ST8SIA5: variants seen among roughly 807,000 people sequenced by gnomAD.
The protein encoded by ST8SIA5 is ST8 alpha-N-acetyl-neuraminide alpha-2,8-sialyltransferase 5.
Under a neutral mutation model 40.2 loss-of-function variants are expected in ST8SIA5, and 24 were observed. The observed-to-expected ratio is 0.60, with a 90% CI of 0.43 to 0.84. The LOEUF (loss-of-function observed/expected upper bound fraction) is 0.84. ST8SIA5 is among the 40% of genes least tolerant of loss of function. ST8SIA5 has a pLI of 0.00. For missense variants in ST8SIA5, 465 were observed against 498.5 expected (o/e 0.93, Z 0.64); for synonymous variants, 198 against 201.8 (o/e 0.98, Z 0.16).
chr18:46,683,905 C>G (rs552234150), intron 5 of ST8SIA5, among the ~76,000 whole-genome samples: 194 of 152,260 alleles, frequency 1.3e-3, no homozygotes, highest in Middle Eastern at 3.4e-3. Context: ...GGTCAAGGGA[C>G]TTGCTGCTAT....
At chr18:46,740,462 C>G (rs1281079335) in intron 1 of ST8SIA5, among the ~76,000 whole-genome samples, 1 of 151,784 alleles carries the variant, frequency 6.6e-6, no homozygotes, top group Admixed American at 6.6e-5. Context: ...GATTGTCAGA[C>G]TAGGTATTAA....
intron 1 of ST8SIA5, among the ~76,000 whole-genome samples, chr18:46,751,030 T>C (rs945719464): frequency 1.3e-5 from 2 of 152,202 alleles, no homozygotes; most frequent in Non-Finnish European, 2.9e-5. Context: ...CAGTTGAATG[T>C]CATTAAGTTC....
Position 46,686,006 on chromosome 18 carries a change from C to A in ST8SIA5, c.569+168G>T, listed in dbSNP as rs2039442307. 8.6e-5 allele frequency: 56 copies of A among 652,648 alleles called. No individual in the cohort carries two copies. The South Asian group carries it at 1.0e-3, about 12-fold the overall frequency. 40.4% of individuals were successfully genotyped at this position (652,648 alleles called of 1,614,324 possible). Reference sequence around the variant, plus strand: ...GAGGACCTAGGAGTTCAACGACTTCCCCAAAGGGATGGGGCTGGAGAGAAG... The same window carrying A: ...GAGGACCTAGGAGTTCAACGACTTCACCAAAGGGATGGGGCTGGAGAGAAG... On this transcript the variant is annotated intron_variant, in intron 5 of 6. Coordinates refer to ENST00000315087, the MANE Select transcript of ST8SIA5 (RefSeq NM_013305.6).
intron 1 of ST8SIA5, among the ~76,000 whole-genome samples, chr18:46,742,662 C>T (rs2040098787): frequency 6.6e-6 from 1 of 152,234 alleles, no homozygotes; most frequent in Non-Finnish European, 1.5e-5. Flanking sequence ...GCAGCAGAAA[C>T]TTCTGCAGAC....
At chr18:46,690,796 A>G (rs1299251487) in intron 3 of ST8SIA5, among the ~76,000 whole-genome samples, 1 of 152,000 alleles carries the variant, frequency 6.6e-6, no homozygotes, top group Non-Finnish European at 1.5e-5. Context: ...TTGCATTTTT[A>G]GTAGAGACAG....
In ST8SIA5 at chr18:46,688,886, G is replaced by T. The variant is rs752738722; in HGVS notation, c.345C>A (p.Ala115=). The T allele has an allele frequency of 6.2e-7, 1 of 1,614,088 alleles. No homozygotes were observed. The highest frequency in any genetic ancestry group is 2.2e-5 in the East Asian group (1 of 44,870). The change falls in exon 4 of 7, where the codon GCC becomes GCA. Residue 115 remains alanine, a synonymous_variant. Transcript: ENST00000315087. ...TGTTCTTCTGGGTGGTGAAGAGAAA[G>T]GCAGGGGCGTTGCAGCACCTGGACA... ...STLSRCCNAP[A]FLFTTQKNTP...
chr18:46,688,652 C>T, intron 4 of ST8SIA5, 123 bp downstream of exon 4: 1 of 1,301,474 alleles, frequency 7.7e-7, no homozygotes, highest in Non-Finnish European at 1.0e-6. Context: ...CAACCAGGAC[C>T]AAGACAACTG....
At chr18:46,708,066 A>G (rs2039687001) in intron 1 of ST8SIA5, among the ~76,000 whole-genome samples, 1 of 152,186 alleles carries the variant, frequency 6.6e-6, no homozygotes, top group South Asian at 2.1e-4. Flanking sequence ...GGTTGAGAAA[A>G]AACACTGCTG....
chr18:46,746,156 C>T (rs192967174), intron 1 of ST8SIA5, among the ~76,000 whole-genome samples: 180 of 152,274 alleles, frequency 1.2e-3, no homozygotes, highest in Admixed American at 2.5e-3. Context: ...AAAACTCACA[C>T]AAGAAAATGA....
chr18:46,729,695 A>C (rs375874754), intron 1 of ST8SIA5, among the ~76,000 whole-genome samples: 2 of 152,222 alleles, frequency 1.3e-5, no homozygotes, highest in African/African-American at 4.8e-5. Context: ...CCTGTCCCTA[A>C]AGTATCTTAC....
chr18:46,740,330 G>A (rs912087994), intron 1 of ST8SIA5, among the ~76,000 whole-genome samples: 2 of 151,972 alleles, frequency 1.3e-5, no homozygotes, highest in African/African-American at 2.4e-5. Flanking sequence ...TAATGCAAAA[G>A]AGAAGAAGGG....
intron 1 of ST8SIA5, among the ~76,000 whole-genome samples, chr18:46,710,222 G>C (rs1433438592): frequency 6.6e-6 from 1 of 152,128 alleles, no homozygotes; most frequent in East Asian, 1.9e-4. Flanking sequence ...TCCACTAAGT[G>C]AGAAGACAAA....
rs188725143 is a variant in ST8SIA5 at position 46,723,618 on chromosome 18, G to A, written c.132-18954C>T. On this transcript the variant is annotated intron_variant, in intron 1 of 6. Coordinates refer to ENST00000315087, the MANE Select transcript of ST8SIA5 (RefSeq NM_013305.6). ...AACACTTAAAAAAAGAATGCAGGGGGAAAAAGACAAATGAAAAAAGCAGAA... is the reference window on the plus strand; with the variant it reads ...AACACTTAAAAAAAGAATGCAGGGGAAAAAAGACAAATGAAAAAAGCAGAA... Among the ~76,000 whole-genome samples the A allele has an allele frequency of 8.9e-4, 136 of 152,054 alleles. No homozygotes were observed. The East Asian group carries it at 0.02, about 23-fold the overall frequency.
At chr18:46,697,891 G>T (rs1280173028) in intron 2 of ST8SIA5, among the ~76,000 whole-genome samples, 1 of 151,430 alleles carries the variant, frequency 6.6e-6, no homozygotes, top group African/African-American at 2.4e-5. Flanking sequence ...AGATTCCAGA[G>T]GAAAAAAAAA....
intron 1 of ST8SIA5, chr18:46,721,548 G>T: frequency 1.6e-6 from 2 of 1,217,602 alleles, no homozygotes; most frequent in Non-Finnish European, 2.3e-6. Context: ...ACATTCTGTT[G>T]CTGTGCCCAA....
intron 1 of ST8SIA5, among the ~76,000 whole-genome samples, chr18:46,714,631 C>A (rs939690286): frequency 1.3e-5 from 2 of 152,096 alleles, no homozygotes; most frequent in African/African-American, 4.8e-5. Context: ...AAGTGCTGTG[C>A]GTCTGGGGCG....
rs1232351266 is a variant in ST8SIA5 at position 46,710,544 on chromosome 18, CTCTT to C, written c.132-5884_132-5881del. Among the ~76,000 whole-genome samples the C allele has an allele frequency of 4.2e-3, 573 of 137,388 alleles. 3 individuals carry two copies. The highest frequency in any genetic ancestry group is 0.014 in the African/African-American group (529 of 36,766). The allele number at this position is 137,388 out of a possible 152,430, so 90.1% of individuals were successfully genotyped here. A position where few individuals can be genotyped will look rare whatever the true frequency, so the allele number is the denominator to read the frequency against. On this transcript the variant is annotated intron_variant, in intron 1 of 6. Transcript: ENST00000315087. ...TTCCTTTCTTCCTTTCTTTCTTTCT[CTCTT>C]TTTTTTTTTTTTGATGGAGTCTCGC...
intron 1 of ST8SIA5, among the ~76,000 whole-genome samples, chr18:46,719,514 A>G (rs568809466): frequency 6.6e-6 from 1 of 152,270 alleles, no homozygotes; most frequent in South Asian, 2.1e-4. Flanking sequence ...GGAAAGAGGA[A>G]GGAAAGACAA....
At chr18:46,705,959 C>T (rs370744038) in intron 1 of ST8SIA5, among the ~76,000 whole-genome samples, 4 of 152,142 alleles carry the variant, frequency 2.6e-5, no homozygotes, top group South Asian at 2.1e-4. Context: ...TATGTATGTG[C>T]TGCTTTAGAA....
Sources: gnomAD v4.1 joint callset for allele counts (sites outside exome capture counted in the v4.1 genomes callset) on GRCh38, gnomAD v4.1.1 for gene constraint, MANE v1.5 for transcripts, NCBI Gene and HGNC (gene_info 2026-07-23, HGNC 2026-07-21) for gene names.